Variants in SMPDL3A observed in about 807,000 individuals in gnomAD.
SMPDL3A encodes the protein sphingomyelin phosphodiesterase acid like 3A, also known as cyclic GMP-AMP phosphodiesterase SMPDL3A.
A neutral mutation model predicts 38.5 loss-of-function variants in SMPDL3A; 39 were observed. That is an observed-to-expected ratio of 1.01 (90% CI 0.78 to 1.32). The LOEUF (loss-of-function observed/expected upper bound fraction) is 1.32. Ranked by LOEUF, SMPDL3A falls within the 40% of genes most tolerant of loss-of-function variation. The pLI is 0.00. For missense variants in SMPDL3A, 502 were observed against 536.2 expected, an observed-to-expected ratio of 0.94 and a Z score of 0.63; for synonymous variants, 180 against 194.3, an observed-to-expected ratio of 0.93 and a Z score of 0.61.
Position 122,796,848 on chromosome 6 carries a change from A to C in SMPDL3A, c.351A>C (p.Val117=), listed in dbSNP as rs1562349477. The C allele has an allele frequency of 6.2e-7, 1 of 1,613,072 alleles. No individual in the cohort carries two copies. The highest frequency in any genetic ancestry group is 2.2e-5 in the East Asian group (1 of 44,846). Residue 117 remains valine (V), a synonymous_variant, in exon 3 of 8, where the codon GTA becomes GTC. Coordinates refer to ENST00000368440, the MANE Select transcript of SMPDL3A (RefSeq NM_006714.5). ...GGGATAGCCCACCTCATGTTCCTGTACCTGAACTCTCAACAGACACTGTTA... is the reference window on the plus strand; with the variant it reads ...GGGATAGCCCACCTCATGTTCCTGTCCCTGAACTCTCAACAGACACTGTTA... ...WTGDSPPHVP[V]PELSTDTVIN...
chr6:122,799,015 GTCTGAGA>G (rs1562350920), intron 3 of SMPDL3A, among the ~76,000 whole-genome samples: 1 of 152,172 alleles, frequency 6.6e-6, no homozygotes, highest in Non-Finnish European at 1.5e-5. Flanking sequence ...AGAGGCTGAT[GTCTGAGA>G]TCTAACTCTG....
intron 1 of SMPDL3A, among the ~76,000 whole-genome samples, chr6:122,790,534 C>G (rs963056916): frequency 1.3e-5 from 2 of 152,154 alleles, no homozygotes; most frequent in Non-Finnish European, 2.9e-5. Flanking sequence ...CTCTTTCGCT[C>G]CCTCTGTGCT....
intron 7 of SMPDL3A, among the ~76,000 whole-genome samples, chr6:122,806,836 A>C (rs1483232971): frequency 6.6e-6 from 1 of 152,230 alleles, no homozygotes; most frequent in African/African-American, 2.4e-5. Context: ...GCATGAACAA[A>C]TCTATGTAAA....
At chr6:122,807,081 T>G (rs1582559878) in intron 7 of SMPDL3A, among the ~76,000 whole-genome samples, 3 of 140,232 alleles carry the variant, frequency 2.1e-5, no homozygotes, top group African/African-American at 5.3e-5. Context: ...ATTGTAGAGA[T>G]GGGGGGGGGG....
At chr6:122,806,916 G>A (rs566068477) in intron 7 of SMPDL3A, among the ~76,000 whole-genome samples, 7 of 152,246 alleles carry the variant, frequency 4.6e-5, no homozygotes, top group African/African-American at 1.7e-4. Context: ...TTATTTTCAA[G>A]TTCTTGTTCT....
At chr6:122,794,024 A>AAT (rs143213845) in intron 1 of SMPDL3A, among the ~76,000 whole-genome samples, 3,935 of 150,546 alleles carry the variant, frequency 0.026, 293 homozygotes, top group Admixed American at 0.17. Flanking sequence ...AGGATCATTG[A>AAT]ATATATATAT....
chr6:122,809,527 T>G lies in SMPDL3A; in HGVS notation c.*119T>G. 3 of 704,510 alleles carry G rather than the reference T, an allele frequency of 4.3e-6. No homozygotes were observed. Among genetic ancestry groups the G allele is most frequent in the Non-Finnish European group, 2.3e-6 (1 of 430,492 alleles). The allele number at this position is 704,510 out of a possible 1,614,324, so 43.6% of individuals were successfully genotyped here. ...GCAAGTAGACTTCCTGTCTTTGCTT[T>G]CTTTTTTTTTTTCTTTTTGATGCCT... On this transcript the variant is annotated 3_prime_UTR_variant, in exon 8 of 8. Coordinates refer to ENST00000368440, the MANE Select transcript of SMPDL3A (RefSeq NM_006714.5).
In SMPDL3A at chr6:122,795,363, G is replaced by A. The variant is rs185284265; in HGVS notation, c.113-314G>A. Among the ~76,000 whole-genome samples the A allele has an allele frequency of 3.9e-5, 6 of 152,114 alleles. No individual in the cohort carries two copies. In the Middle Eastern group the frequency reaches 0.01, roughly 259 times the overall value. On this transcript the variant is annotated intron_variant, in intron 1 of 7. Coordinates refer to ENST00000368440, the MANE Select transcript of SMPDL3A (RefSeq NM_006714.5). Reference sequence around the variant, plus strand: ...TCACCATGTTGGCCAGGTTGGTCTCGAACTCCTGACCTCAAGGGATCCACC... The same window carrying A: ...TCACCATGTTGGCCAGGTTGGTCTCAAACTCCTGACCTCAAGGGATCCACC...
In SMPDL3A at chr6:122,801,357, C is replaced by A; in HGVS notation, c.519C>A (p.Asn173Lys). The stretch of plus-strand genomic sequence containing the variant: ...GTAAAGTGTACAATGCAGTAGCAAA[C>A]CTCTGGAAACCATGGCTAGATGAAG... ...VTSKVYNAVA[N>K]LWKPWLDEEA... The change falls in exon 4 of 8, where the codon AAC becomes AAA. Residue 173 changes from asparagine to lysine, a missense_variant. Coordinates refer to ENST00000368440, the MANE Select transcript of SMPDL3A (RefSeq NM_006714.5). 1 of 1,613,518 alleles carries A rather than the reference C, an allele frequency of 6.2e-7. No homozygotes were observed. Among genetic ancestry groups the A allele is most frequent in the Non-Finnish European group, 8.5e-7 (1 of 1,179,480 alleles).
In SMPDL3A at chr6:122,807,769, G is replaced by A. The variant is rs559777684; in HGVS notation, c.1045-1322G>A. Among the ~76,000 whole-genome samples the A allele has an allele frequency of 8.5e-5, 13 of 152,174 alleles. No homozygotes were observed. The East Asian group carries it at 2.5e-3, about 29-fold the overall frequency. Reference sequence around the variant, plus strand: ...GTTCTGTTATTCCCCAGAATAACAGGGAGGAGGTATGGTGGCAGAAATCTG... The same window carrying A: ...GTTCTGTTATTCCCCAGAATAACAGAGAGGAGGTATGGTGGCAGAAATCTG... On this transcript the variant is annotated intron_variant, in intron 7 of 7. Transcript: ENST00000368440.
chr6:122,800,145 CTTTCTT>C (rs1387962924), intron 3 of SMPDL3A, among the ~76,000 whole-genome samples: 1 of 151,916 alleles, frequency 6.6e-6, no homozygotes, highest in Non-Finnish European at 1.5e-5. Flanking sequence ...CAGTATTTAA[CTTTCTT>C]AAAGTTTTGT....
intron 7 of SMPDL3A, among the ~76,000 whole-genome samples, chr6:122,808,593 TCCTCCCTC>T (rs143524380): frequency 0.15 from 16,547 of 107,740 alleles, 1,737 homozygotes; most frequent in Non-Finnish European, 0.19. Context: ...GAGCCTCCCT[TCCTCCCTC>T]CCTCCCTCCC....
chr6:122,803,433 T>C (rs7382472), intron 4 of SMPDL3A, among the ~76,000 whole-genome samples: 19,960 of 152,282 alleles, frequency 0.13, 1,760 homozygotes, highest in East Asian at 0.35. Flanking sequence ...ACAGCTGTTG[T>C]TATCTCAATA....
In SMPDL3A at chr6:122,809,606, T is replaced by G; in HGVS notation, c.*198T>G. ...TGTATTATATATTTAAAGTGCTCAT[T>G]AATAGAATGATGGATGTAAATTGGA... is the stretch of plus-strand genomic sequence containing the variant. On this transcript the variant is annotated 3_prime_UTR_variant, in exon 8 of 8. Coordinates refer to ENST00000368440, the MANE Select transcript of SMPDL3A (RefSeq NM_006714.5). 1 of 443,220 alleles carries G rather than the reference T, an allele frequency of 2.3e-6. No individual in the cohort carries two copies. The highest frequency in any genetic ancestry group is 4.0e-6 in the Non-Finnish European group (1 of 251,830). The allele number at this position is 443,220 out of a possible 1,614,324, so 27.5% of individuals were successfully genotyped here.
rs551745324 is a variant in SMPDL3A at position 122,806,602 on chromosome 6, T to C, written c.1044+245T>C. Among the ~76,000 whole-genome samples, 10 of 152,356 alleles carry C rather than the reference T, an allele frequency of 6.6e-5. No individual in the cohort carries two copies. The East Asian group carries it at 1.7e-3, about 26-fold the overall frequency. On this transcript the variant is annotated intron_variant, in intron 7 of 7. Transcript: ENST00000368440. Reference sequence around the variant, plus strand: ...AAGGACTTCACATTTATTTAGATGCTTTCATTGGTTAGTGCCATGTTTGTG... The same window carrying C: ...AAGGACTTCACATTTATTTAGATGCCTTCATTGGTTAGTGCCATGTTTGTG...
intron 1 of SMPDL3A, among the ~76,000 whole-genome samples, chr6:122,793,400 T>G (rs1024863558): frequency 5.3e-5 from 8 of 152,194 alleles, no homozygotes; most frequent in Non-Finnish European, 1.2e-4. Flanking sequence ...GACTCTGGCC[T>G]CCACTCTTAA....
chr6:122,807,215 A>C lies in SMPDL3A; in HGVS notation c.1044+858A>C, dbSNP rs1423781507. ...TGGGCACACCCAAAAAATTTTTTTA[A>C]AGGAAAAAAATGGTAGCTCACGCCT... On this transcript the variant is annotated intron_variant, in intron 7 of 7. Coordinates refer to ENST00000368440, the MANE Select transcript of SMPDL3A (RefSeq NM_006714.5). Among the ~76,000 whole-genome samples the C allele has an allele frequency of 2.0e-5, 3 of 152,128 alleles. No homozygotes were observed. In the East Asian group the frequency reaches 5.8e-4, roughly 29 times the overall value.
intron 6 of SMPDL3A, among the ~76,000 whole-genome samples, 171 bp from the exon 7 acceptor site, chr6:122,806,062 G>T (rs1781604842): frequency 6.6e-6 from 1 of 152,150 alleles, no homozygotes. Flanking sequence ...TAACAAAAAT[G>T]TCCCTATTTT....
At chr6:122,792,187 G>C (rs1781100511) in intron 1 of SMPDL3A, among the ~76,000 whole-genome samples, 1 of 152,146 alleles carries the variant, frequency 6.6e-6, no homozygotes, top group Non-Finnish European at 1.5e-5. Flanking sequence ...ATGAGTCCCA[G>C]GTTAAGAACC....
Sources: allele counts gnomAD v4.1 joint callset (sites outside exome capture counted in the v4.1 genomes callset), GRCh38; gene constraint gnomAD v4.1.1; transcripts MANE v1.5; gene names NCBI Gene and HGNC (gene_info 2026-07-23, HGNC 2026-07-21).